The following DIP2C variants were observed in gnomAD, a reference collection of about 807,000 sequenced individuals.
The protein encoded by DIP2C is disco-interacting protein 2 homolog C.
Under a neutral mutation model 192.4 loss-of-function variants are expected in DIP2C, and 33 were observed. The observed-to-expected ratio is 0.17, with a 90% CI of 0.13 to 0.23. The LOEUF is 0.23. Among genes scored for constraint, DIP2C ranks in the 10% least tolerant of loss-of-function variants. The pLI, the probability that DIP2C is intolerant of heterozygous loss-of-function variation, is 1.00. For synonymous variants in DIP2C, 979 were observed against 864.1 expected, an observed-to-expected ratio of 1.13 and a Z score of -2.33; for missense variants, 1,537 against 2,110.1, an observed-to-expected ratio of 0.73 and a Z score of 5.32.
At chr10:616,494 C>A (rs979498416) in intron 1 of DIP2C, among the ~76,000 whole-genome samples, 1 of 152,216 alleles carries the variant, frequency 6.6e-6, no homozygotes, top group South Asian at 2.1e-4. Context: ...CGGGACTTCC[C>A]AGGGCATCCC....
intron 5 of DIP2C, among the ~76,000 whole-genome samples, chr10:421,227 A>G (rs994119502): frequency 6.6e-6 from 1 of 152,218 alleles, no homozygotes; most frequent in Non-Finnish European, 1.5e-5. Context: ...CTTGATGTAC[A>G]TGAGTTATGA....
intron 1 of DIP2C, among the ~76,000 whole-genome samples, chr10:587,287 A>T (rs985838379): frequency 6.6e-6 from 1 of 152,220 alleles, no homozygotes; most frequent in African/African-American, 2.4e-5. Flanking sequence ...GGTCCCGCTG[A>T]TACCATGACT....
intron 9 of DIP2C, among the ~76,000 whole-genome samples, chr10:405,788 G>C (rs1964759500): frequency 6.6e-6 from 1 of 152,156 alleles, no homozygotes. Flanking sequence ...GGGAGCAAAG[G>C]CCTTTCCGGC....
chr10:656,455 T>C (rs903939506), intron 1 of DIP2C, among the ~76,000 whole-genome samples: 2 of 152,212 alleles, frequency 1.3e-5, no homozygotes, highest in African/African-American at 4.8e-5. Flanking sequence ...AGTTATACTT[T>C]CATAATCTCT....
chr10:469,376 G>T (rs1970458072), intron 3 of DIP2C, among the ~76,000 whole-genome samples: 1 of 147,810 alleles, frequency 6.8e-6, no homozygotes, highest in Non-Finnish European at 1.5e-5. Flanking sequence ...GAGTGCAGTG[G>T]TATGATCTCA....
At chr10:513,552 G>A (rs1418713409) in intron 1 of DIP2C, among the ~76,000 whole-genome samples, 9 of 152,180 alleles carry the variant, frequency 5.9e-5, no homozygotes, top group Non-Finnish European at 8.8e-5. Flanking sequence ...CTTGTCCACC[G>A]TGCCACACCG....
chr10:590,894 C>T (rs975453342), intron 1 of DIP2C, among the ~76,000 whole-genome samples: 7 of 152,184 alleles, frequency 4.6e-5, no homozygotes, highest in Admixed American at 1.3e-4. Flanking sequence ...AGTGACTGCA[C>T]CAGCTTCATG....
intron 1 of DIP2C, among the ~76,000 whole-genome samples, chr10:599,782 C>T (rs1275491697): frequency 6.6e-6 from 1 of 152,210 alleles, no homozygotes; most frequent in African/African-American, 2.4e-5. Flanking sequence ...GGTTGTCATC[C>T]TGCTTTTGAG....
chr10:594,823 G>A (rs192323870), intron 1 of DIP2C, among the ~76,000 whole-genome samples: 188 of 152,256 alleles, frequency 1.2e-3, no homozygotes, highest in African/African-American at 4.3e-3. Flanking sequence ...AGATCATGTC[G>A]AATTTACGAC....
At chr10:445,604 A>C (rs181657042) in intron 3 of DIP2C, among the ~76,000 whole-genome samples, 2 of 130,708 alleles carry the variant, frequency 1.5e-5, no homozygotes, top group African/African-American at 8.2e-5. Flanking sequence ...TCTACTGGGC[A>C]TCTGTATACA....
Position 409,004 on chromosome 10 carries a change from T to C in DIP2C, c.1071A>G (p.Thr357=), listed in dbSNP as rs2133071866. Reference sequence around the variant, plus strand: ...TGCTGTAAGCGACCTTCATACTTCTTGTCCACAGCTTGCCTATGAATACAA... The same window carrying C: ...TGCTGTAAGCGACCTTCATACTTCTCGTCCACAGCTTGCCTATGAATACAA... The part of the protein sequence containing the change: ...LYILTYGKLW[T]RSMKVAYSIL... The change falls in exon 9 of 37, where the codon ACA becomes ACG. Residue 357 remains threonine (T), a synonymous_variant. Coordinates refer to ENST00000280886, the MANE Select transcript of DIP2C (RefSeq NM_014974.3). 1 of 1,614,218 alleles carries C rather than the reference T, an allele frequency of 6.2e-7. No homozygotes were observed. The highest frequency in any genetic ancestry group is 8.5e-7 in the Non-Finnish European group (1 of 1,180,032).
chr10:448,325 T>C (rs1447440654), intron 3 of DIP2C, among the ~76,000 whole-genome samples: 1 of 128,892 alleles, frequency 7.8e-6, no homozygotes. Context: ...ACCCCATTGA[T>C]ATTCAGGATC....
At chr10:335,914 C>G (rs957424883) in intron 29 of DIP2C, among the ~76,000 whole-genome samples, 1 of 152,136 alleles carries the variant, frequency 6.6e-6, no homozygotes, top group African/African-American at 2.4e-5. Flanking sequence ...AATCTTTATT[C>G]TTGAGACAGG....
chr10:571,357 C>T (rs866215781), intron 1 of DIP2C, among the ~76,000 whole-genome samples: 2 of 152,204 alleles, frequency 1.3e-5, no homozygotes, highest in African/African-American at 4.8e-5. Context: ...CCTGCCAGGC[C>T]GCCTCTCCTG....
chr10:413,927 T>C lies in DIP2C; in HGVS notation c.1043A>G (p.Tyr348Cys), dbSNP rs1478446925. 1 of 1,614,030 alleles carries C rather than the reference T, an allele frequency of 6.2e-7. No homozygotes were observed. The highest frequency in any genetic ancestry group is 8.5e-7 in the Non-Finnish European group (1 of 1,179,952). ...TTMDTNGKPLYILTYGKLWTR... is the reference protein window; with the variant it reads ...TTMDTNGKPLCILTYGKLWTR... ...CTGGGGATTACCGTAAGTGAGGATG[T>C]AGAGGGGCTTCCCGTTGGTGTCCAT... The change falls in exon 8 of 37, where the codon TAC (tyrosine) becomes TGC (cysteine). Residue 348 changes from tyrosine to cysteine, a missense_variant. This residue lies in a region of DIP2C where 473 missense variants were observed against 539.6 expected (regional missense o/e 0.88). Coordinates refer to ENST00000280886, the MANE Select transcript of DIP2C (RefSeq NM_014974.3).
intron 1 of DIP2C, among the ~76,000 whole-genome samples, chr10:576,522 T>C (rs760800025): frequency 2.6e-5 from 4 of 152,208 alleles, no homozygotes; most frequent in Non-Finnish European, 4.4e-5. Flanking sequence ...TAAATTAGCA[T>C]GTACATACAC....
At chr10:344,741 G>A (rs944969822) in intron 28 of DIP2C, 68 bp downstream of exon 28, 17 of 1,354,656 alleles carry the variant, frequency 1.3e-5, no homozygotes, top group South Asian at 7.5e-5. Flanking sequence ...GAGCCAGCAC[G>A]TGACCTGCCA....
chr10:532,575 G>A (rs996584017), intron 1 of DIP2C, among the ~76,000 whole-genome samples: 7 of 140,552 alleles, frequency 5.0e-5, no homozygotes, highest in South Asian at 4.4e-4. Context: ...GAGAGTATGG[G>A]TGTGAGAGAG....
chr10:535,644 T>G (rs117753366), intron 1 of DIP2C, among the ~76,000 whole-genome samples: 2,048 of 152,276 alleles, frequency 0.013, 29 homozygotes, highest in Non-Finnish European at 0.022. Flanking sequence ...AGTTCTTTAT[T>G]TGTCCATTTA....
Sources: gnomAD v4.1 joint callset for allele counts (sites outside exome capture counted in the v4.1 genomes callset) on GRCh38, gnomAD v4.1.1 for gene constraint, gnomAD v4.1.1 regional missense constraint, MANE v1.5 for transcripts, NCBI Gene and HGNC (gene_info 2026-07-23, HGNC 2026-07-21) for gene names.